The following LNX1 variants were observed in gnomAD, a reference collection of about 807,000 sequenced individuals.
The protein encoded by LNX1 is E3 ubiquitin-protein ligase LNX.
In LNX1, 54 loss-of-function variants were observed where a neutral mutation model predicts 68.4. The ratio of observed to expected loss-of-function variants is 0.79; its 90% CI spans 0.63 to 0.99. The LOEUF is 0.99. Ranked by LOEUF, LNX1 falls within the 50% of genes least tolerant of loss-of-function variation. The probability of loss-of-function intolerance (pLI) is 0.00; values close to 1 mark genes in which losing one functional copy is unlikely to be tolerated. For missense variants in LNX1, 906 were observed against 926.4 expected, an observed-to-expected ratio of 0.98 and a Z score of 0.29; for synonymous variants, 336 against 350.0, an observed-to-expected ratio of 0.96 and a Z score of 0.45.
intron 1 of LNX1, among the ~76,000 whole-genome samples, chr4:53,650,083 GGAATAGAAT>G (rs1735035667): frequency 6.6e-6 from 1 of 152,178 alleles, no homozygotes; most frequent in Non-Finnish European, 1.5e-5. Flanking sequence ...CAGACCGAGT[GGAATAGAAT>G]GAATGGAATG....
chr4:53,556,801 T>C (rs1329013136), intron 2 of LNX1, among the ~76,000 whole-genome samples: 3 of 152,204 alleles, frequency 2.0e-5, no homozygotes, highest in Admixed American at 6.5e-5. Context: ...CTGGTCCAGC[T>C]AATTACAAAG....
At chr4:53,469,840 C>A (rs1723017566) in intron 9 of LNX1, among the ~76,000 whole-genome samples, 1 of 152,114 alleles carries the variant, frequency 6.6e-6, no homozygotes, top group Admixed American at 6.6e-5. Context: ...GAAATTGAGG[C>A]AATAATTAAT....
intron 4 of LNX1, among the ~76,000 whole-genome samples, chr4:53,499,783 C>A (rs1441402625): frequency 6.6e-6 from 1 of 152,168 alleles, no homozygotes; most frequent in African/African-American, 2.4e-5. Context: ...TGGAAGAGGC[C>A]TGATTCATGA....
In LNX1 at chr4:53,591,476, G is replaced by A; in HGVS notation, c.-175C>T. 1 of 985,642 alleles carries A rather than the reference G, an allele frequency of 1.0e-6. No individual in the cohort carries two copies. The highest frequency in any genetic ancestry group is 1.2e-6 in the Non-Finnish European group (1 of 830,146). 61.1% of individuals were successfully genotyped at this position (985,642 alleles called of 1,614,324 possible). On this transcript the variant is annotated 5_prime_UTR_variant, in exon 1 of 11. Coordinates refer to ENST00000263925, the MANE Select transcript of LNX1 (RefSeq NM_001126328.3). ...GGTGAACCGAGCAGCTCCTTGGGCC[G>A]CCGGAGTTGTGACCAGCCTCAACTT... is the stretch of plus-strand genomic sequence containing the variant.
chr4:53,472,620 T>C (rs551907488), intron 9 of LNX1, among the ~76,000 whole-genome samples: 6 of 150,518 alleles, frequency 4.0e-5, no homozygotes, highest in South Asian at 2.1e-4. Context: ...AGGTACAAAT[T>C]TTGATTTTCT....
At chr4:53,608,480 G>A (rs1268350904) in intron 2 of LNX1, among the ~76,000 whole-genome samples, 1 of 152,156 alleles carries the variant, frequency 6.6e-6, no homozygotes, top group African/African-American at 2.4e-5. Flanking sequence ...TGGTAAGGTT[G>A]TGGAGAAAAG....
chr4:53,578,664 G>A (rs1731644338), intron 1 of LNX1, among the ~76,000 whole-genome samples: 1 of 152,114 alleles, frequency 6.6e-6, no homozygotes, highest in African/African-American at 2.4e-5. Flanking sequence ...AAGCAAAAAT[G>A]GCAGATTTAG....
At chr4:53,548,819 A>G (rs1324870202) in intron 2 of LNX1, among the ~76,000 whole-genome samples, 2 of 152,248 alleles carry the variant, frequency 1.3e-5, no homozygotes, top group Non-Finnish European at 2.9e-5. Context: ...TGTGGTATAG[A>G]TATACCATGG....
intron 2 of LNX1, among the ~76,000 whole-genome samples, chr4:53,606,136 A>AAC (rs1434816325): frequency 6.6e-6 from 1 of 152,136 alleles, no homozygotes; most frequent in Non-Finnish European, 1.5e-5. Flanking sequence ...ACCATACACA[A>AAC]ACCCAACACA....
rs114391945 is a variant in LNX1 at position 53,551,369 on chromosome 4, A to G, written c.380+22254T>C. Among the ~76,000 whole-genome samples the G allele has an allele frequency of 4.1e-3, 622 of 152,260 alleles. 9 individuals carry two copies. Among genetic ancestry groups the G allele is most frequent in the African/African-American group, 0.014 (568 of 41,540 alleles). ...ATAATCATTGGTTGAAGCCAGGGCC[A>G]GGCAGTTTCCCAATAAATAGAAAAC... On this transcript the variant is annotated intron_variant, in intron 2 of 10. Coordinates refer to ENST00000263925, the MANE Select transcript of LNX1 (RefSeq NM_001126328.3).
At chr4:53,512,106 G>A (rs1480560868) in intron 2 of LNX1, among the ~76,000 whole-genome samples, 1 of 152,162 alleles carries the variant, frequency 6.6e-6, no homozygotes, top group Non-Finnish European at 1.5e-5. Flanking sequence ...CTCGTCAGGT[G>A]AGAGAATGAG....
At chr4:53,574,488 T>C (rs1166218047) in intron 1 of LNX1, among the ~76,000 whole-genome samples, 1 of 152,204 alleles carries the variant, frequency 6.6e-6, no homozygotes, top group Non-Finnish European at 1.5e-5. Flanking sequence ...GTGATGGCTT[T>C]CTCTTATCTT....
At chr4:53,631,597 A>G (rs1344968611) in intron 1 of LNX1, among the ~76,000 whole-genome samples, 1 of 152,216 alleles carries the variant, frequency 6.6e-6, no homozygotes, top group African/African-American at 2.4e-5. Context: ...CATGTTGGCT[A>G]CACATTACAA....
intron 2 of LNX1, among the ~76,000 whole-genome samples, chr4:53,548,496 G>A (rs767821964): frequency 1.3e-5 from 2 of 152,158 alleles, no homozygotes; most frequent in Non-Finnish European, 2.9e-5. Flanking sequence ...TGATCAAGAA[G>A]TTGCAAGATT....
intron 9 of LNX1, among the ~76,000 whole-genome samples, chr4:53,469,195 A>T (rs527981344): frequency 3.3e-5 from 5 of 152,178 alleles, no homozygotes; most frequent in African/African-American, 2.4e-5. Context: ...CTCACTCAAA[A>T]CTGCTCAACT....
chr4:53,586,273 C>T (rs1250452477), intron 1 of LNX1, among the ~76,000 whole-genome samples: 1 of 152,038 alleles, frequency 6.6e-6, no homozygotes, highest in Non-Finnish European at 1.5e-5. Flanking sequence ...TATGCAGGAG[C>T]CTAAACATGC....
At chr4:53,625,065 T>C (rs544324475) in intron 1 of LNX1, among the ~76,000 whole-genome samples, 1 of 152,294 alleles carries the variant, frequency 6.6e-6, no homozygotes, top group East Asian at 1.9e-4. Flanking sequence ...ACATTGTACA[T>C]ACAGATTAAC....
At chr4:53,548,529 C>A (rs6820391) in intron 2 of LNX1, among the ~76,000 whole-genome samples, 38,254 of 151,938 alleles carry the variant, frequency 0.25, 5,021 homozygotes, top group Admixed American at 0.3. Flanking sequence ...AGATATTTCT[C>A]CAGTCTCTTA....
At chr4:53,466,684 G>C (rs1049077030) in intron 9 of LNX1, among the ~76,000 whole-genome samples, 4 of 152,252 alleles carry the variant, frequency 2.6e-5, no homozygotes, top group African/African-American at 9.6e-5. Flanking sequence ...CACACCAGGA[G>C]ATTATATCCC....
Sources: gnomAD v4.1 joint callset for allele counts (sites outside exome capture counted in the v4.1 genomes callset) on GRCh38, gnomAD v4.1.1 for gene constraint, MANE v1.5 for transcripts, NCBI Gene and HGNC (gene_info 2026-07-23, HGNC 2026-07-21) for gene names.